The following CELF5 variants were observed in gnomAD, a reference collection of about 807,000 sequenced individuals.
CELF5 encodes CUG-BP and ETR-3 like factor 5.
CELF5 carries 6 observed loss-of-function variants against 54.9 expected under a neutral mutation model. The observed-to-expected ratio is 0.11, with a 90% CI of 0.06 to 0.22. The LOEUF is 0.22. Among genes scored for constraint, CELF5 ranks in the 10% least tolerant of loss-of-function variants. The pLI, the probability that CELF5 is intolerant of heterozygous loss-of-function variation, is 1.00. For synonymous variants in CELF5, 271 were observed against 290.9 expected (o/e 0.93, Z 0.70); for missense variants, 401 against 678.6 (o/e 0.59, Z 4.54).
chr19:3,284,773 A>C, intron 8 of CELF5, 129 bp from the exon 9 acceptor site: 1 of 785,438 alleles, frequency 1.3e-6, no homozygotes, highest in Admixed American at 2.1e-5. Context: ...TCCTGGTCCT[A>C]CAGAGGGTTT....
rs529817025 is a variant in CELF5, at chr19:3,252,403, T to G, written c.342+1336T>G. On this transcript the variant is annotated intron_variant, in intron 2 of 12. Transcript: ENST00000292672. ...GGAGGCCCCTGCCCCCAGTGAAGGA[T>G]GAGTGGTCTCCCTGAGCCAGTCAAT... Among the ~76,000 whole-genome samples the G allele has an allele frequency of 5.7e-4, 87 of 152,254 alleles. 1 individual carries two copies. The highest frequency in any genetic ancestry group is 1.5e-4 in the Non-Finnish European group (10 of 68,014).
At chr19:3,267,269 T>G (rs2079896604) in intron 2 of CELF5, among the ~76,000 whole-genome samples, 1 of 146,916 alleles carries the variant, frequency 6.8e-6, no homozygotes, top group African/African-American at 2.5e-5. Flanking sequence ...TACTGCTGCT[T>G]TCTGAAGAGA....
chr19:3,279,005 G>C (rs1396001781), intron 5 of CELF5, among the ~76,000 whole-genome samples: 1 of 152,214 alleles, frequency 6.6e-6, no homozygotes, highest in Non-Finnish European at 1.5e-5. Flanking sequence ...AGACGGTTTA[G>C]AGCAAGGGAG....
At chr19:3,260,554 A>G (rs1230025152) in intron 2 of CELF5, among the ~76,000 whole-genome samples, 2 of 151,890 alleles carry the variant, frequency 1.3e-5, no homozygotes, top group Non-Finnish European at 1.5e-5. Flanking sequence ...TCCCAGGTTC[A>G]AGCAATTCTC....
At chr19:3,280,094 C>G (rs1314614568) in intron 5 of CELF5, among the ~76,000 whole-genome samples, 3 of 152,208 alleles carry the variant, frequency 2.0e-5, no homozygotes, top group South Asian at 2.1e-4. Flanking sequence ...CTTCGACTGC[C>G]CAGGGCTGCC....
At chr19:3,256,178 G>A (rs763021338) in intron 2 of CELF5, among the ~76,000 whole-genome samples, 1 of 152,050 alleles carries the variant, frequency 6.6e-6, no homozygotes, top group Non-Finnish European at 1.5e-5. Flanking sequence ...AGACACTGAC[G>A]ACCCAGCCAG....
intron 1 of CELF5, 109 bp from the exon 2 acceptor site, chr19:3,250,875 CT>C: frequency 3.6e-6 from 2 of 558,860 alleles, no homozygotes; most frequent in South Asian, 2.9e-5. Flanking sequence ...ATCTATGCAT[CT>C]GTGGATGGAA....
intron 1 of CELF5, among the ~76,000 whole-genome samples, chr19:3,226,732 G>T (rs1173064748): frequency 6.6e-6 from 1 of 151,798 alleles, no homozygotes. Flanking sequence ...AGGTGGGGGT[G>T]CAGGGACTGG....
intron 1 of CELF5, among the ~76,000 whole-genome samples, chr19:3,230,020 C>T (rs1372648144): frequency 3.3e-5 from 5 of 152,198 alleles, no homozygotes; most frequent in African/African-American, 1.2e-4. Context: ...CTCTCTCTTT[C>T]ACCCCTCAAA....
chr19:3,285,450 C>T (rs2080225401), intron 9 of CELF5, among the ~76,000 whole-genome samples: 1 of 151,164 alleles, frequency 6.6e-6, no homozygotes, highest in Non-Finnish European at 1.5e-5. Context: ...CTGCTGCGGC[C>T]CCGCCCCTTA....
intron 2 of CELF5, among the ~76,000 whole-genome samples, chr19:3,251,652 C>CTTTTTTTTTTTTTTTTTTTTTTTTTTT (rs1195812856): frequency 1.5e-5 from 1 of 67,110 alleles, no homozygotes. Context: ...ACAAGGGCTT[C>CTTTTTTTTTTTTTTTTTTTTTTTTTTT]TTTTTTTTTT....
At position 3,285,981 on chromosome 19, in the gene CELF5, G is replaced by C. The variant is rs749951949; in HGVS notation, c.1142G>C (p.Ser381Thr). 1.3e-5 allele frequency: 20 copies of C among 1,586,118 alleles called. No homozygotes were observed. In the African/African-American group the frequency reaches 1.9e-4, roughly 15 times the overall value. ...PTAAITPIAH[S>T]VPQPPPLLQQ... ...GCGGCCATCACGCCCATCGCGCACAGCGTCCCCCAGCCGCCGCCCCTCCTG... is the reference window on the plus strand; with the variant it reads ...GCGGCCATCACGCCCATCGCGCACACCGTCCCCCAGCCGCCGCCCCTCCTG... The change falls in exon 10 of 13, where the codon AGC becomes ACC. Residue 381 changes from serine to threonine, a missense_variant. By Grantham distance (58) the Ser-to-Thr change is moderately conservative. This residue lies in a region of CELF5 where 143 missense variants were observed against 147.6 expected (regional missense o/e 0.97). Coordinates refer to ENST00000292672, the MANE Select transcript of CELF5 (RefSeq NM_021938.4).
chr19:3,266,371 T>C (rs985503087), intron 2 of CELF5, among the ~76,000 whole-genome samples: 5 of 150,800 alleles, frequency 3.3e-5, no homozygotes, highest in African/African-American at 1.2e-4. Flanking sequence ...CCTACCTCAC[T>C]ATGATCGCAC....
At chr19:3,240,768 C>T (rs1007002041) in intron 1 of CELF5, among the ~76,000 whole-genome samples, 6 of 152,156 alleles carry the variant, frequency 3.9e-5, no homozygotes, top group Non-Finnish European at 4.4e-5. Context: ...CCCTGCCTTT[C>T]TCTTGGCCCG....
intron 8 of CELF5, among the ~76,000 whole-genome samples, chr19:3,283,013 T>C (rs1226849650): frequency 1.3e-5 from 2 of 152,066 alleles, no homozygotes; most frequent in Non-Finnish European, 2.9e-5. Flanking sequence ...GTAGTTTTAG[T>C]AGAGATGGGG....
intron 9 of CELF5, among the ~76,000 whole-genome samples, 162 bp from the exon 10 acceptor site, chr19:3,285,780 C>T (rs1358168834): frequency 6.9e-6 from 1 of 145,130 alleles, no homozygotes; most frequent in East Asian, 2.0e-4. Flanking sequence ...CGCCCTCTGG[C>T]CTGGCCCCGC....
chr19:3,295,270 G>A (rs1599498801), intron 12 of CELF5: 1 of 151,848 alleles, frequency 6.6e-6, no homozygotes, highest in East Asian at 1.9e-4. Context: ...GTGTTCACAC[G>A]CCCCCCCTGC....
intron 1 of CELF5, 74 bp from the exon 2 acceptor site, chr19:3,250,911 C>A: frequency 9.6e-7 from 1 of 1,046,086 alleles, no homozygotes; most frequent in Non-Finnish European, 1.5e-6. Context: ...CACCTAGTGG[C>A]CACTGTGGGT....
chr19:3,278,731 G>A lies in CELF5; in HGVS notation c.603+621G>A, dbSNP rs1316042621. Among the ~76,000 whole-genome samples the A allele has an allele frequency of 6.6e-6, 1 of 151,878 alleles. No homozygotes were observed. The highest frequency in any genetic ancestry group is 1.5e-5 in the Non-Finnish European group (1 of 67,964). On this transcript the variant is annotated intron_variant, in intron 5 of 12. Coordinates refer to ENST00000292672, the MANE Select transcript of CELF5 (RefSeq NM_021938.4). The surrounding 1 kb of genome is among the most constrained non-coding windows in gnomAD (Gnocchi z 4.5). Reference sequence around the variant, plus strand: ...TGTGTGCATGACTGTGAGTGTGTCAGTATTGTGGGTGATTGTGTACACGTT... The same window carrying A: ...TGTGTGCATGACTGTGAGTGTGTCAATATTGTGGGTGATTGTGTACACGTT...
Sources: allele counts gnomAD v4.1 joint callset (sites outside exome capture counted in the v4.1 genomes callset), GRCh38; gene constraint gnomAD v4.1.1; regional missense constraint gnomAD v4.1.1; non-coding constraint Gnocchi (gnomAD v3.1); transcripts MANE v1.5; gene names NCBI Gene and HGNC (gene_info 2026-07-23, HGNC 2026-07-21).